The following NRG1 variants were observed in gnomAD, a reference collection of about 807,000 sequenced individuals.
NRG1 encodes pro-neuregulin-1, membrane-bound isoform.
NRG1 carries 18 observed loss-of-function variants against 63.8 expected under a neutral mutation model. The ratio of observed to expected loss-of-function variants is 0.28; its 90% CI spans 0.19 to 0.42. The LOEUF (loss-of-function observed/expected upper bound fraction) is 0.42. Ranked by LOEUF, NRG1 falls within the 10% of genes least tolerant of loss-of-function variation. The pLI is 1.00. For missense variants in NRG1, 762 were observed against 814.7 expected (o/e 0.94, Z 0.79); for synonymous variants, 302 against 301.3 (o/e 1.00, Z -0.02).
At chr8:32,391,779 G>A (rs1811800915) in intron 1 of NRG1, among the ~76,000 whole-genome samples, 1 of 152,058 alleles carries the variant, frequency 6.6e-6, no homozygotes, top group Non-Finnish European at 1.5e-5. Flanking sequence ...GGGCATTTAG[G>A]TTGATTCCTA....
intron 1 of NRG1, among the ~76,000 whole-genome samples, chr8:32,019,711 T>C (rs1816137415): frequency 6.6e-6 from 1 of 152,234 alleles, no homozygotes; most frequent in Non-Finnish European, 1.5e-5. Context: ...AATTATGATA[T>C]GCAACAGGGA....
At chr8:31,879,928 A>G (rs886790479) in intron 1 of NRG1, among the ~76,000 whole-genome samples, 3 of 152,188 alleles carry the variant, frequency 2.0e-5, no homozygotes, top group African/African-American at 7.2e-5. Flanking sequence ...CATGGTGTAT[A>G]TGTACCACAT....
intron 1 of NRG1, among the ~76,000 whole-genome samples, chr8:31,673,291 C>T (rs916333819): frequency 6.6e-6 from 1 of 152,136 alleles, no homozygotes; most frequent in African/African-American, 2.4e-5. Flanking sequence ...CACTGATTCT[C>T]TTTCCACTCT....
intron 1 of NRG1, among the ~76,000 whole-genome samples, chr8:31,761,925 G>A (rs968173008): frequency 6.6e-6 from 1 of 152,140 alleles, no homozygotes; most frequent in Non-Finnish European, 1.5e-5. Flanking sequence ...ACAATAAAAT[G>A]AGGTAGCTTC....
intron 1 of NRG1, among the ~76,000 whole-genome samples, chr8:32,231,204 T>C (rs539998343): frequency 6.6e-6 from 1 of 152,198 alleles, no homozygotes; most frequent in African/African-American, 2.4e-5. Context: ...GTATTTTTAA[T>C]TAAAAAAGGA....
chr8:32,321,586 A>C (rs1801401065), intron 1 of NRG1, among the ~76,000 whole-genome samples: 1 of 149,388 alleles, frequency 6.7e-6, no homozygotes, highest in African/African-American at 2.5e-5. Flanking sequence ...AAATACTGGG[A>C]GGAGAGAAAT....
intron 1 of NRG1, among the ~76,000 whole-genome samples, chr8:32,276,382 C>CT (rs1486961361): frequency 6.6e-6 from 1 of 152,152 alleles, no homozygotes; most frequent in Non-Finnish European, 1.5e-5. Flanking sequence ...GAATTTCATT[C>CT]TTTTTTACAG....
chr8:31,781,056 A>G (rs1819634732), intron 1 of NRG1, among the ~76,000 whole-genome samples: 1 of 152,112 alleles, frequency 6.6e-6, no homozygotes, highest in Non-Finnish European at 1.5e-5. Context: ...GCCTCCATTT[A>G]TTATCCTTAT....
chr8:31,815,604 T>C (rs1823360332), intron 1 of NRG1, among the ~76,000 whole-genome samples: 1 of 152,230 alleles, frequency 6.6e-6, no homozygotes, highest in Admixed American at 6.5e-5. Flanking sequence ...TATGGGTATA[T>C]ACCCCGAAGT....
chr8:31,956,047 AAAAAAAC>A (rs1277676418), intron 1 of NRG1, among the ~76,000 whole-genome samples: 95 of 148,930 alleles, frequency 6.4e-4, no homozygotes, highest in South Asian at 1.3e-3. Flanking sequence ...TCTCAAAAAA[AAAAAAAC>A]AAAAAAACAA....
At chr8:32,056,365 G>A (rs142980107) in intron 1 of NRG1, among the ~76,000 whole-genome samples, 84 of 152,230 alleles carry the variant, frequency 5.5e-4, no homozygotes, top group Non-Finnish European at 1.1e-3. Context: ...TGCTTTAGTC[G>A]CTGTGACCAG....
chr8:32,397,876 A>C (rs947481056), intron 1 of NRG1, among the ~76,000 whole-genome samples: 1 of 152,220 alleles, frequency 6.6e-6, no homozygotes, highest in Non-Finnish European at 1.5e-5. Flanking sequence ...GCATGTTTAA[A>C]GTATCATCCA....
chr8:32,266,583 A>G (rs1850961843), intron 1 of NRG1, among the ~76,000 whole-genome samples: 1 of 152,192 alleles, frequency 6.6e-6, no homozygotes, highest in Non-Finnish European at 1.5e-5. Flanking sequence ...TTAGCAAGAA[A>G]TATTAAGATT....
At chr8:32,511,661 C>T (rs1046861099) in intron 1 of NRG1, among the ~76,000 whole-genome samples, 1 of 151,988 alleles carries the variant, frequency 6.6e-6, no homozygotes, top group Non-Finnish European at 1.5e-5. Flanking sequence ...TGTGTACCAA[C>T]TAGGGTTTGT....
At chr8:32,283,851 G>A (rs1175041602) in intron 1 of NRG1, among the ~76,000 whole-genome samples, 1 of 152,152 alleles carries the variant, frequency 6.6e-6, no homozygotes, top group African/African-American at 2.4e-5. Context: ...CTCTGTTGAT[G>A]ATGCATCCAC....
intron 1 of NRG1, among the ~76,000 whole-genome samples, chr8:31,813,797 G>T (rs1410883686): frequency 6.6e-6 from 1 of 151,980 alleles, no homozygotes; most frequent in East Asian, 1.9e-4. Flanking sequence ...AGAGTGCGGG[G>T]ATTATAGGTG....
intron 1 of NRG1, among the ~76,000 whole-genome samples, chr8:31,830,593 T>C (rs1825048259): frequency 6.6e-6 from 1 of 152,124 alleles, no homozygotes; most frequent in South Asian, 2.1e-4. Flanking sequence ...GTGATCAAGA[T>C]CTGCCTTCTC....
At chr8:31,681,675 A>G (rs538368878) in intron 1 of NRG1, among the ~76,000 whole-genome samples, 20 of 149,390 alleles carry the variant, frequency 1.3e-4, no homozygotes, top group Non-Finnish European at 2.4e-4. Flanking sequence ...GAGAGCTTTT[A>G]TATTTATATA....
intron 1 of NRG1, among the ~76,000 whole-genome samples, chr8:32,375,029 C>T (rs952206930): frequency 1.3e-5 from 2 of 152,192 alleles, no homozygotes; most frequent in Non-Finnish European, 2.9e-5. Flanking sequence ...GTCACCCAGG[C>T]TGGAGTGCAG....
Sources: gnomAD v4.1 joint callset for allele counts (sites outside exome capture counted in the v4.1 genomes callset) on GRCh38, gnomAD v4.1.1 for gene constraint, MANE v1.5 for transcripts, NCBI Gene and HGNC (gene_info 2026-07-23, HGNC 2026-07-21) for gene names.